Variants in ZNF385D observed in about 807,000 individuals in gnomAD.
ZNF385D encodes zinc finger protein 385D, also known as zinc finger protein 659.
A neutral mutation model predicts 35.8 loss-of-function variants in ZNF385D; 15 were observed. The ratio of observed to expected loss-of-function variants is 0.42; its 90% CI spans 0.28 to 0.64. The LOEUF is 0.64. ZNF385D is among the 30% of genes least tolerant of loss of function. The pLI, the probability that ZNF385D is intolerant of heterozygous loss-of-function variation, is 0.23. For synonymous variants in ZNF385D, 212 were observed against 186.8 expected (o/e 1.13, Z -1.10); for missense variants, 474 against 494.6 (o/e 0.96, Z 0.39).
intron 2 of ZNF385D, among the ~76,000 whole-genome samples, chr3:22,171,641 C>G (rs1477299180): frequency 6.6e-6 from 1 of 152,040 alleles, no homozygotes; most frequent in African/African-American, 2.4e-5. Flanking sequence ...CTTTGGGAGG[C>G]CGAGGCGGGT....
chr3:21,768,657 T>C (rs1559603960), intron 3 of ZNF385D, among the ~76,000 whole-genome samples: 2 of 151,994 alleles, frequency 1.3e-5, no homozygotes, highest in South Asian at 4.1e-4. Flanking sequence ...GACTTTGTCT[T>C]CCAAATATTG....
intron 3 of ZNF385D, among the ~76,000 whole-genome samples, chr3:21,520,967 G>A (rs532682442): frequency 5.3e-5 from 8 of 152,120 alleles, no homozygotes; most frequent in Non-Finnish European, 1.2e-4. Flanking sequence ...CACATACTCT[G>A]TGTTTGCTGA....
chr3:22,300,986 C>A (rs1702870095), intron 2 of ZNF385D, among the ~76,000 whole-genome samples: 1 of 151,968 alleles, frequency 6.6e-6, no homozygotes, highest in Non-Finnish European at 1.5e-5. Flanking sequence ...ATCTGTATTC[C>A]CATGTTCTTT....
At chr3:22,035,189 G>A (rs557071110) in intron 3 of ZNF385D, among the ~76,000 whole-genome samples, 3 of 152,064 alleles carry the variant, frequency 2.0e-5, no homozygotes, top group African/African-American at 7.2e-5. Context: ...TAGTTTGATC[G>A]CAATTAAAAA....
chr3:22,351,762 T>A (rs1473268875), intron 2 of ZNF385D, among the ~76,000 whole-genome samples: 2 of 152,260 alleles, frequency 1.3e-5, no homozygotes, highest in East Asian at 3.9e-4. Flanking sequence ...AATAGTACTA[T>A]CATGGGTTTC....
At chr3:21,870,756 T>C (rs146332018) in intron 3 of ZNF385D, among the ~76,000 whole-genome samples, 3 of 152,246 alleles carry the variant, frequency 2.0e-5, no homozygotes, top group Admixed American at 2.0e-4. Flanking sequence ...CCATTTCTGC[T>C]CTGTGAACTG....
intron 3 of ZNF385D, among the ~76,000 whole-genome samples, chr3:22,019,571 T>C (rs971657948): frequency 3.3e-5 from 5 of 150,794 alleles, no homozygotes; most frequent in African/African-American, 1.2e-4. Flanking sequence ...TCAGACTAAT[T>C]TAAAAAATCC....
Position 22,372,601 on chromosome 3 carries a change from G to A in ZNF385D, c.-46C>T, listed in dbSNP as rs1468479215. 6 of 875,330 alleles carry A rather than the reference G, an allele frequency of 6.9e-6. No homozygotes were observed. The Admixed American group carries it at 2.5e-4, about 36-fold the overall frequency. The allele number at this position is 875,330 out of a possible 1,614,324, so 54.2% of individuals were successfully genotyped here. On this transcript the variant is annotated 5_prime_UTR_variant, in exon 2 of 6. Coordinates refer to the ZNF385D transcript ENST00000494108. ...GGCTGGCTGTCCCGGGAGACGCACGGCTGCCCGCCTGCAGCTTCAACGGCG... is the reference window on the plus strand; with the variant it reads ...GGCTGGCTGTCCCGGGAGACGCACGACTGCCCGCCTGCAGCTTCAACGGCG...
Position 22,251,120 on chromosome 3 carries a change from A to T in ZNF385D, c.107-82085T>A, listed in dbSNP as rs902860209. Reference sequence around the variant, plus strand: ...CAGTATTTATTCAGGTTAGGAAAAAATTTTCCACCAAATTTAAAAGACTTA... The same window carrying T: ...CAGTATTTATTCAGGTTAGGAAAAATTTTTCCACCAAATTTAAAAGACTTA... On this transcript the variant is annotated intron_variant, in intron 2 of 5. Coordinates refer to the ZNF385D transcript ENST00000494108. Among the ~76,000 whole-genome samples, 4 of 152,200 alleles carry T rather than the reference A, an allele frequency of 2.6e-5. No homozygotes were observed. In the South Asian group the frequency reaches 8.3e-4, roughly 32 times the overall value.
At chr3:21,531,594 C>T (rs990494891) in intron 3 of ZNF385D, among the ~76,000 whole-genome samples, 1 of 152,100 alleles carries the variant, frequency 6.6e-6, no homozygotes, top group African/African-American at 2.4e-5. Context: ...AATGAGCCAT[C>T]AAGCCATTAA....
intron 4 of ZNF385D, among the ~76,000 whole-genome samples, chr3:21,486,519 CA>C (rs1365991336): frequency 6.6e-6 from 1 of 152,122 alleles, no homozygotes; most frequent in African/African-American, 2.4e-5. Context: ...TGCTTGCAAA[CA>C]GGTAGGGCTA....
intron 2 of ZNF385D, among the ~76,000 whole-genome samples, chr3:22,329,648 C>T (rs1307420909): frequency 6.6e-6 from 1 of 152,078 alleles, no homozygotes; most frequent in Non-Finnish European, 1.5e-5. Flanking sequence ...ATACTATTTG[C>T]TAGAACTTTT....
At chr3:21,626,157 A>G (rs999031616) in intron 2 of ZNF385D, among the ~76,000 whole-genome samples, 4 of 152,112 alleles carry the variant, frequency 2.6e-5, no homozygotes, top group African/African-American at 4.8e-5. Context: ...TAAGTAAACT[A>G]TAAGAATTCT....
At chr3:21,577,111 A>G (rs1312305870) in intron 2 of ZNF385D, among the ~76,000 whole-genome samples, 1 of 152,098 alleles carries the variant, frequency 6.6e-6, no homozygotes, top group African/African-American at 2.4e-5. Context: ...TATTCTTCCT[A>G]TCCACCTGTA....
chr3:21,663,918 T>TATATATATATATATATATATATATA (rs58884498), intron 2 of ZNF385D, among the ~76,000 whole-genome samples: 3 of 124,330 alleles, frequency 2.4e-5, no homozygotes, highest in Non-Finnish European at 3.3e-5. Context: ...TATATATATA[T>TATATATATATATATATATATATATA]TTATTTATTT....
intron 3 of ZNF385D, among the ~76,000 whole-genome samples, chr3:21,517,489 C>T (rs13316849): frequency 0.012 from 1,869 of 152,244 alleles, 32 homozygotes; most frequent in African/African-American, 0.042. Flanking sequence ...TAGTTTATTC[C>T]CTTTTTTTCT....
At chr3:21,566,879 C>A (rs921009302) in intron 2 of ZNF385D, among the ~76,000 whole-genome samples, 7 of 152,118 alleles carry the variant, frequency 4.6e-5, no homozygotes, top group African/African-American at 1.4e-4. Context: ...AAACCACTGG[C>A]CTGCTTTCTA....
intron 3 of ZNF385D, among the ~76,000 whole-genome samples, chr3:22,095,812 T>C (rs565842942): frequency 1.4e-5 from 2 of 147,034 alleles, no homozygotes; most frequent in South Asian, 4.4e-4. Flanking sequence ...TAAATCAATT[T>C]TTTAAAATTA....
chr3:21,645,666 C>G (rs927816046), intron 2 of ZNF385D, among the ~76,000 whole-genome samples: 2 of 152,158 alleles, frequency 1.3e-5, no homozygotes, highest in African/African-American at 4.8e-5. Context: ...TCTCCACCTA[C>G]TTCCAAAGCA....
Sources: gnomAD v4.1 joint callset for allele counts (sites outside exome capture counted in the v4.1 genomes callset) on GRCh38, gnomAD v4.1.1 for gene constraint, MANE v1.5 for transcripts, NCBI Gene and HGNC (gene_info 2026-07-23, HGNC 2026-07-21) for gene names.